SNTB1: variants seen among roughly 807,000 people sequenced by gnomAD.
SNTB1 encodes the protein syntrophin beta 1.
Under a neutral mutation model 48.9 loss-of-function variants are expected in SNTB1, and 36 were observed. That is an observed-to-expected ratio of 0.74 (90% CI 0.56 to 0.97). The LOEUF is 0.97. Ranked by LOEUF, SNTB1 falls within the 50% of genes least tolerant of loss-of-function variation. The pLI is 0.00. For missense variants in SNTB1, 786 were observed against 703.4 expected (o/e 1.12, Z -1.33); for synonymous variants, 299 against 294.6 (o/e 1.01, Z -0.15).
intron 1 of SNTB1, among the ~76,000 whole-genome samples, chr8:120,797,785 G>A (rs34473121): frequency 0.073 from 11,047 of 151,756 alleles, 625 homozygotes; most frequent in African/African-American, 0.16. Flanking sequence ...ACTCTTAATC[G>A]TCACCTCAGC....
chr8:120,584,056 G>C (rs985526501), intron 3 of SNTB1, among the ~76,000 whole-genome samples: 2 of 152,192 alleles, frequency 1.3e-5, no homozygotes, highest in African/African-American at 4.8e-5. Context: ...GCTCACGCTT[G>C]TAAGCCCAAC....
At chr8:120,691,608 C>T (rs1818128366) in intron 2 of SNTB1, among the ~76,000 whole-genome samples, 1 of 152,174 alleles carries the variant, frequency 6.6e-6, no homozygotes, top group African/African-American at 2.4e-5. Flanking sequence ...AACTGCCCTG[C>T]CTGCAACAAT....
intron 1 of SNTB1, among the ~76,000 whole-genome samples, chr8:120,713,197 A>G (rs1818494656): frequency 6.6e-6 from 1 of 152,184 alleles, no homozygotes; most frequent in South Asian, 2.1e-4. Flanking sequence ...CTCCTCATCT[A>G]TAGATACACC....
At chr8:120,758,833 A>G (rs11994211) in intron 1 of SNTB1, among the ~76,000 whole-genome samples, 18,399 of 152,026 alleles carry the variant, frequency 0.12, 3,664 homozygotes, top group African/African-American at 0.42. Flanking sequence ...AGTTGTGATT[A>G]ATTAATAAAG....
chr8:120,596,951 G>C (rs996054948), intron 3 of SNTB1, among the ~76,000 whole-genome samples: 1 of 152,176 alleles, frequency 6.6e-6, no homozygotes, highest in Non-Finnish European at 1.5e-5. Context: ...CTGAACAGTG[G>C]TCCCCCCACA....
intron 3 of SNTB1, among the ~76,000 whole-genome samples, chr8:120,581,108 GAGAA>G (rs1816042826): frequency 1.5e-5 from 2 of 130,450 alleles, no homozygotes; most frequent in Non-Finnish European, 3.2e-5. Flanking sequence ...AAAAAAAAAA[GAGAA>G]AGAAAAAGAC....
At chr8:120,643,201 A>G (rs1817224635) in intron 2 of SNTB1, among the ~76,000 whole-genome samples, 1 of 152,230 alleles carries the variant, frequency 6.6e-6, no homozygotes, top group Non-Finnish European at 1.5e-5. Context: ...CTCCAAAGAA[A>G]AAAAGGAACT....
At chr8:120,600,889 C>A (rs569136202) in intron 3 of SNTB1, among the ~76,000 whole-genome samples, 13 of 151,766 alleles carry the variant, frequency 8.6e-5, no homozygotes, top group African/African-American at 2.7e-4. Flanking sequence ...AGATGGGGCA[C>A]AATGAGAGTC....
At chr8:120,733,770 ACT>A (rs1818892496) in intron 1 of SNTB1, among the ~76,000 whole-genome samples, 1 of 152,154 alleles carries the variant, frequency 6.6e-6, no homozygotes, top group African/African-American at 2.4e-5. Flanking sequence ...TAGTAAGGAA[ACT>A]CTATTTAAAT....
intron 2 of SNTB1, among the ~76,000 whole-genome samples, chr8:120,662,277 T>A (rs371568647): frequency 3.6e-4 from 55 of 152,306 alleles, no homozygotes; most frequent in African/African-American, 1.3e-3. Context: ...ATCAGAATAA[T>A]GCAAATGTTC....
intron 1 of SNTB1, among the ~76,000 whole-genome samples, chr8:120,809,034 C>G (rs761543935): frequency 6.6e-6 from 1 of 152,130 alleles, no homozygotes; most frequent in South Asian, 2.1e-4. Context: ...TTTCAGAATA[C>G]GAAGAAGTAG....
At chr8:120,796,780 T>C (rs1820125809) in intron 1 of SNTB1, among the ~76,000 whole-genome samples, 1 of 152,046 alleles carries the variant, frequency 6.6e-6, no homozygotes, top group Non-Finnish European at 1.5e-5. Context: ...CTCAGGATTC[T>C]TCCCTCGGTC....
rs28607145 is a variant in SNTB1 at position 120,793,624 on chromosome 8, C to T, written c.571+17649G>A. ...TCCGGTGTCCTGGGTTTCTGAGAAC[C>T]GGAATTATGAAGATTTGGGTGCTTA... On this transcript the variant is annotated intron_variant, in intron 1 of 6. Transcript: ENST00000517992. Among the ~76,000 whole-genome samples the T allele has an allele frequency of 4.2e-3, 632 of 151,938 alleles. 1 individual carries two copies. The highest frequency in any genetic ancestry group is 7.7e-3 in the African/African-American group (321 of 41,456).
intron 2 of SNTB1, among the ~76,000 whole-genome samples, chr8:120,646,486 G>T: frequency 6.7e-6 from 1 of 148,186 alleles, no homozygotes. Flanking sequence ...TGCATATATT[G>T]AACCAGCCTT....
intron 3 of SNTB1, among the ~76,000 whole-genome samples, chr8:120,614,602 C>A (rs954848861): frequency 6.6e-6 from 1 of 152,320 alleles, no homozygotes; most frequent in East Asian, 1.9e-4. Flanking sequence ...GCCACATGGC[C>A]ACGCCTGGAG....
At chr8:120,808,245 G>A (rs1297863808) in intron 1 of SNTB1, among the ~76,000 whole-genome samples, 2 of 152,152 alleles carry the variant, frequency 1.3e-5, no homozygotes, top group Non-Finnish European at 2.9e-5. Flanking sequence ...CTTAATGTCT[G>A]TAAGCTTTAA....
chr8:120,632,751 T>C, intron 2 of SNTB1, 100 bp from the exon 3 acceptor site: 7 of 990,148 alleles, frequency 7.1e-6, no homozygotes, highest in East Asian at 2.5e-5. Context: ...CTCCTTCTTT[T>C]AGACTTTGTC....
intron 1 of SNTB1, among the ~76,000 whole-genome samples, chr8:120,700,336 A>G (rs1361636388): frequency 6.6e-6 from 1 of 152,196 alleles, no homozygotes; most frequent in Non-Finnish European, 1.5e-5. Flanking sequence ...ACACTATAAT[A>G]TGTATTCATA....
At chr8:120,609,496 A>G (rs1349497940) in intron 3 of SNTB1, among the ~76,000 whole-genome samples, 1 of 152,194 alleles carries the variant, frequency 6.6e-6, no homozygotes, top group African/African-American at 2.4e-5. Flanking sequence ...CTGCTGGTGA[A>G]GTATGCAGTT....
Sources: allele counts gnomAD v4.1 joint callset (sites outside exome capture counted in the v4.1 genomes callset), GRCh38; gene constraint gnomAD v4.1.1; transcripts MANE v1.5; gene names NCBI Gene and HGNC (gene_info 2026-07-23, HGNC 2026-07-21).